Variants in UBOX5 observed in about 807,000 individuals in gnomAD.
The protein encoded by UBOX5 is U-box domain containing 5.
In UBOX5, 28 loss-of-function variants were observed where a neutral mutation model predicts 39.0. That is an observed-to-expected ratio of 0.72 (90% CI 0.53 to 0.98). UBOX5 has a LOEUF of 0.98. Ranked by LOEUF, UBOX5 falls within the 50% of genes least tolerant of loss-of-function variation. The pLI, the probability that UBOX5 is intolerant of heterozygous loss-of-function variation, is 0.00. For missense variants in UBOX5, 585 were observed against 674.4 expected (o/e 0.87, Z 1.47); for synonymous variants, 283 against 275.5 (o/e 1.03, Z -0.27).
chr20:3,122,060 C>A lies in UBOX5; in HGVS notation c.579G>T (p.Val193=). The change falls in exon 3 of 5, where the codon GTG becomes GTT. Residue 193 remains valine (V), a synonymous_variant. Transcript: ENST00000217173. ...AGCAGGTCTTGGCCGGCTGACCCCA[C>A]ACTTCCAACCGCTTGATACAAGGGA... The part of the protein sequence containing the change: ...GGIPCIKRLE[V]WGQPAKTCSQ... 1 of 1,614,274 alleles carries A rather than the reference C, an allele frequency of 6.2e-7. No individual in the cohort carries two copies. Among genetic ancestry groups the A allele is most frequent in the East Asian group, 2.2e-5 (1 of 44,888 alleles).
Position 3,148,900 on chromosome 20 carries a change from C to T in UBOX5, c.-42+10866G>A, listed in dbSNP as rs1387409429. Reference sequence around the variant, plus strand: ...GAGAAGAGAAGGTGCTACATATGTTCTTAACTTTTTTGGCAGAATGGCAGA... The same window carrying T: ...GAGAAGAGAAGGTGCTACATATGTTTTTAACTTTTTTGGCAGAATGGCAGA... On this transcript the variant is annotated intron_variant, in intron 1 of 4. Transcript: ENST00000217173. The T allele has an allele frequency of 6.8e-6, 11 of 1,614,172 alleles. No individual in the cohort carries two copies. The Middle Eastern group carries it at 4.9e-4, about 73-fold the overall frequency.
intron 3 of UBOX5, among the ~76,000 whole-genome samples, chr20:3,118,117 C>T (rs1291486981): frequency 6.6e-6 from 1 of 152,136 alleles, no homozygotes; most frequent in Non-Finnish European, 1.5e-5. Flanking sequence ...GAGATTGCGT[C>T]ACTGCTGCAC....
intron 1 of UBOX5, among the ~76,000 whole-genome samples, chr20:3,132,725 CAGG>C (rs1250080077): frequency 6.6e-6 from 1 of 150,772 alleles, no homozygotes; most frequent in Non-Finnish European, 1.5e-5. Context: ...GAGAGTGAAG[CAGG>C]AGAACTGCTG....
At chr20:3,110,995 C>T (rs557573751) in intron 4 of UBOX5, among the ~76,000 whole-genome samples, 4 of 152,174 alleles carry the variant, frequency 2.6e-5, no homozygotes, top group African/African-American at 7.2e-5. Context: ...GCCTGCAGCC[C>T]CCTCACTGCT....
At chr20:3,140,336 C>T (rs371791961) in intron 1 of UBOX5, among the ~76,000 whole-genome samples, 2 of 151,980 alleles carry the variant, frequency 1.3e-5, no homozygotes, top group African/African-American at 2.4e-5. Flanking sequence ...CCAGTTTTTA[C>T]GTTTAAGAAA....
chr20:3,148,409 G>C, intron 1 of UBOX5: 1 of 1,614,134 alleles, frequency 6.2e-7, no homozygotes, highest in Non-Finnish European at 8.5e-7. Context: ...CATTGAATGG[G>C]AGTGAGGGAT....
At position 3,121,565 on chromosome 20, in the gene UBOX5, A is replaced by G; in HGVS notation, c.1074T>C (p.Val358=). Residue 358 remains valine, a synonymous_variant, in exon 3 of 5, where the codon GTT becomes GTC. Coordinates refer to ENST00000217173, the MANE Select transcript of UBOX5 (RefSeq NM_014948.4). The part of the protein sequence containing the change: ...TALAVIPSSI[V]LPSQKRKIEQ... ...CTATCTTCCTTTTCTGAGAGGGCAG[A>G]ACAATGGAAGAAGGGATCACTGCCA... is the stretch of plus-strand genomic sequence containing the variant. 1 of 1,608,048 alleles carries G rather than the reference A, an allele frequency of 6.2e-7. No homozygotes were observed. The highest frequency in any genetic ancestry group is 8.5e-7 in the Non-Finnish European group (1 of 1,177,026).
intron 1 of UBOX5, among the ~76,000 whole-genome samples, chr20:3,135,182 CA>C (rs929847468): frequency 1.3e-5 from 2 of 151,766 alleles, no homozygotes; most frequent in African/African-American, 2.4e-5. Flanking sequence ...AAGTTTTGAC[CA>C]AAACATTGGT....
Position 3,149,164 on chromosome 20 carries a change from T to G in UBOX5, c.-42+10602A>C. 7.1e-7 allele frequency: 1 copy of G among 1,403,142 alleles called. No homozygotes were observed. The highest frequency in any genetic ancestry group is 1.4e-5 in the African/African-American group (1 of 69,544). The allele number at this position is 1,403,142 out of a possible 1,614,324, so 86.9% of individuals were successfully genotyped here. On this transcript the variant is annotated intron_variant, in intron 1 of 4. Coordinates refer to ENST00000217173, the MANE Select transcript of UBOX5 (RefSeq NM_014948.4). This position sits in a 1 kb window ranked among gnomAD's most constrained non-coding sequence, Gnocchi z 4.1. ...TGTTTATATGGTGCTTGATTAGAGCTGGACGGGGAGGTGTTCCACAAAAAC... is the reference window on the plus strand; with the variant it reads ...TGTTTATATGGTGCTTGATTAGAGCGGGACGGGGAGGTGTTCCACAAAAAC...
At chr20:3,112,259 C>T (rs2066259431) in intron 4 of UBOX5, among the ~76,000 whole-genome samples, 1 of 152,004 alleles carries the variant, frequency 6.6e-6, no homozygotes, top group African/African-American at 2.4e-5. Context: ...CTTCAGAGAT[C>T]TGCCTGACCC....
At chr20:3,119,089 GA>G (rs1226104446) in intron 3 of UBOX5, among the ~76,000 whole-genome samples, 1 of 152,190 alleles carries the variant, frequency 6.6e-6, no homozygotes, top group Non-Finnish European at 1.5e-5. Flanking sequence ...AATACCTTGG[GA>G]AAAATAAGAA....
At chr20:3,147,717 A>C in intron 1 of UBOX5, 2 of 1,614,232 alleles carry the variant, frequency 1.2e-6, no homozygotes, top group Non-Finnish European at 1.7e-6. Context: ...ATCAGGCTGG[A>C]GTAAAATTCT....
Position 3,149,338 on chromosome 20 carries a change from TG to T in UBOX5, c.-42+10427del. On this transcript the variant is annotated intron_variant, in intron 1 of 4. Coordinates refer to ENST00000217173, the MANE Select transcript of UBOX5 (RefSeq NM_014948.4). The surrounding 1 kb of genome is among the most constrained non-coding windows in gnomAD (Gnocchi z 4.1). ...AATTTACACATTATAAAAAACAGGT[TG>T]AAACTACACTGCTGTCTACTCAAAT... is the stretch of plus-strand genomic sequence containing the variant. 2.2e-6 allele frequency: 1 copy of T among 456,192 alleles called. No individual in the cohort carries two copies. The highest frequency in any genetic ancestry group is 3.9e-6 in the Non-Finnish European group (1 of 256,120). The allele number at this position is 456,192 out of a possible 1,614,324, so 28.3% of individuals were successfully genotyped here.
At chr20:3,122,628 ACAACTTGT>A in intron 2 of UBOX5, 44 bp from the exon 3 acceptor site, 4 of 1,515,582 alleles carry the variant, frequency 2.6e-6, no homozygotes, top group Non-Finnish European at 3.5e-6. Context: ...CCAAATGAAG[ACAACTTGT>A]CACTTGTAAG....
At position 3,149,169 on chromosome 20, in the gene UBOX5, G is replaced by A. The variant is rs561683003; in HGVS notation, c.-42+10597C>T. 2.5e-5 allele frequency: 34 copies of A among 1,358,734 alleles called. No homozygotes were observed. Among genetic ancestry groups the A allele is most frequent in the East Asian group, 2.3e-4 (10 of 42,558 alleles). 84.2% of individuals were successfully genotyped at this position (1,358,734 alleles called of 1,614,324 possible). On this transcript the variant is annotated intron_variant, in intron 1 of 4. Transcript: ENST00000217173. This position sits in a 1 kb window ranked among gnomAD's most constrained non-coding sequence, Gnocchi z 4.1. ...ATATGGTGCTTGATTAGAGCTGGAC[G>A]GGGAGGTGTTCCACAAAAACTGCCT...
rs370659791 is a variant in UBOX5 at position 3,111,990 on chromosome 20, G to A, written c.1418-1676C>T. On this transcript the variant is annotated intron_variant, in intron 4 of 4. Coordinates refer to ENST00000217173, the MANE Select transcript of UBOX5 (RefSeq NM_014948.4). Reference sequence around the variant, plus strand: ...TCCTGCCTCCGCATCCCTGAGAACTGTAGCCAGGAAAGAGTGGCCTGGCTG... The same window carrying A: ...TCCTGCCTCCGCATCCCTGAGAACTATAGCCAGGAAAGAGTGGCCTGGCTG... 5.3e-3 allele frequency among the ~76,000 whole-genome samples: 803 copies of A among 152,332 alleles called. 10 individuals carry two copies. The highest frequency in any genetic ancestry group is 0.018 in the African/African-American group (756 of 41,580).
chr20:3,129,142 G>A (rs981777692), intron 1 of UBOX5, among the ~76,000 whole-genome samples: 17 of 152,238 alleles, frequency 1.1e-4, no homozygotes, highest in Admixed American at 4.6e-4. Flanking sequence ...ACCTAACCCT[G>A]ACCAGACACA....
At chr20:3,124,491 C>T (rs138745716) in intron 1 of UBOX5, among the ~76,000 whole-genome samples, 6 of 152,148 alleles carry the variant, frequency 3.9e-5, no homozygotes, top group African/African-American at 1.2e-4. Context: ...ACCTCCCAGC[C>T]GCCTGCCTTG....
At position 3,130,972 on chromosome 20, in the gene UBOX5, C is replaced by T. The variant is rs996375832; in HGVS notation, c.-41-7566G>A. On this transcript the variant is annotated intron_variant, in intron 1 of 4. Coordinates refer to ENST00000217173, the MANE Select transcript of UBOX5 (RefSeq NM_014948.4). ...TTGGGCCAGGCGCAGTGGCTCACACCTGTAATCCCAGCACTTTGGGAGGCC... is the reference window on the plus strand; with the variant it reads ...TTGGGCCAGGCGCAGTGGCTCACACTTGTAATCCCAGCACTTTGGGAGGCC... 2.0e-5 allele frequency among the ~76,000 whole-genome samples: 3 copies of T among 152,068 alleles called. 1 individual carries two copies. Among genetic ancestry groups the T allele is most frequent in the South Asian group, 2.1e-4 (1 of 4,832 alleles).
Sources: gnomAD v4.1 joint callset for allele counts (sites outside exome capture counted in the v4.1 genomes callset) on GRCh38, gnomAD v4.1.1 for gene constraint, Gnocchi (gnomAD v3.1) non-coding constraint, MANE v1.5 for transcripts, NCBI Gene and HGNC (gene_info 2026-07-23, HGNC 2026-07-21) for gene names.